The following XKR6 variants were observed in gnomAD, a reference collection of about 807,000 sequenced individuals.
The protein encoded by XKR6 is XK-related protein 6.
In XKR6, 22 loss-of-function variants were observed where a neutral mutation model predicts 56.7. That is an observed-to-expected ratio of 0.39 (90% CI 0.28 to 0.55). XKR6 has a LOEUF of 0.55. Ranked by LOEUF, XKR6 falls within the 20% of genes least tolerant of loss-of-function variation. XKR6 has a pLI of 0.66. For missense variants in XKR6, 852 were observed against 889.0 expected (o/e 0.96, Z 0.53); for synonymous variants, 524 against 387.8 (o/e 1.35, Z -4.13).
intron 1 of XKR6, among the ~76,000 whole-genome samples, chr8:10,964,617 CT>C (rs1802161567): frequency 6.6e-6 from 1 of 152,200 alleles, no homozygotes; most frequent in African/African-American, 2.4e-5. Flanking sequence ...AAGCTGCCCC[CT>C]GAGGTCCTCC....
At chr8:10,993,786 T>C (rs1318356687) in intron 1 of XKR6, among the ~76,000 whole-genome samples, 2 of 152,194 alleles carry the variant, frequency 1.3e-5, no homozygotes, top group African/African-American at 4.8e-5. Context: ...ATTTCTGTTG[T>C]GGCTTCAGTT....
intron 1 of XKR6, among the ~76,000 whole-genome samples, chr8:11,089,346 A>G (rs1483327917): frequency 6.6e-6 from 1 of 152,226 alleles, no homozygotes; most frequent in Non-Finnish European, 1.5e-5. Context: ...TTAAAAATGA[A>G]GTAGTCTGGG....
At chr8:11,019,053 T>C (rs1369558146) in intron 1 of XKR6, among the ~76,000 whole-genome samples, 4 of 152,186 alleles carry the variant, frequency 2.6e-5, no homozygotes, top group African/African-American at 9.7e-5. Context: ...ATTTCACTCC[T>C]TCTTCCTGGT....
chr8:10,899,220 C>A (rs1472020043), intron 2 of XKR6, among the ~76,000 whole-genome samples: 1 of 152,340 alleles, frequency 6.6e-6, no homozygotes, highest in African/African-American at 2.4e-5. Flanking sequence ...CCATGGGCAG[C>A]CCTTTGTGGG....
intron 1 of XKR6, among the ~76,000 whole-genome samples, chr8:11,146,931 C>G (rs976483092): frequency 2.0e-5 from 3 of 151,882 alleles, no homozygotes; most frequent in Non-Finnish European, 4.4e-5. Context: ...GTCAGACTCA[C>G]AGAAACAGAG....
intron 2 of XKR6, among the ~76,000 whole-genome samples, chr8:10,911,573 TAGAG>T (rs1179056346): frequency 3.5e-5 from 5 of 144,380 alleles, no homozygotes; most frequent in Non-Finnish European, 6.0e-5. Context: ...TATATATATA[TAGAG>T]AGAGAGAGGA....
intron 1 of XKR6, among the ~76,000 whole-genome samples, chr8:11,023,175 C>T (rs994542208): frequency 1.3e-5 from 2 of 152,208 alleles, no homozygotes; most frequent in Non-Finnish European, 2.9e-5. Context: ...CTGGGGAGGG[C>T]CCTCCCTCCA....
At chr8:10,960,408 G>C (rs1340315674) in intron 1 of XKR6, among the ~76,000 whole-genome samples, 1 of 152,214 alleles carries the variant, frequency 6.6e-6, no homozygotes. Context: ...CAGTCTCCTG[G>C]TCAAGATGCA....
At chr8:10,928,259 G>C (rs572957454) in intron 1 of XKR6, among the ~76,000 whole-genome samples, 1 of 152,274 alleles carries the variant, frequency 6.6e-6, no homozygotes, top group South Asian at 2.1e-4. Context: ...ACCACAACAC[G>C]TGCAAAGCCC....
intron 1 of XKR6, among the ~76,000 whole-genome samples, chr8:10,938,732 C>T (rs1308567627): frequency 6.6e-6 from 1 of 152,102 alleles, no homozygotes; most frequent in African/African-American, 2.4e-5. Context: ...GGAGAGTGTT[C>T]TGGGGTGGTG....
At chr8:11,182,961 C>T (rs1803074710) in intron 1 of XKR6, among the ~76,000 whole-genome samples, 1 of 152,212 alleles carries the variant, frequency 6.6e-6, no homozygotes. Context: ...AGTGGAATCA[C>T]ATAGTGTTTG....
chr8:11,164,434 T>TA (rs1801968673), intron 1 of XKR6, among the ~76,000 whole-genome samples: 1 of 152,166 alleles, frequency 6.6e-6, no homozygotes, highest in South Asian at 2.1e-4. Flanking sequence ...TACGTTATTC[T>TA]AAGTCTTCTC....
At chr8:11,125,732 C>G (rs1253774407) in intron 1 of XKR6, 1 of 152,260 alleles carries the variant, frequency 6.6e-6, no homozygotes, top group Admixed American at 6.5e-5. Context: ...AAATTCCTCT[C>G]CAGGTTAAAT....
rs549043601 is a variant in XKR6, at chr8:10,967,803, C to G, written c.765-42973G>C. On this transcript the variant is annotated intron_variant, in intron 1 of 2. Transcript: ENST00000416569. ...TTTTCCAGGAGGCTCCTGCTCCTGG[C>G]GGGTGGGGTGAGGCCTTAGGTGGTG... Among the ~76,000 whole-genome samples, 3 of 152,272 alleles carry G rather than the reference C, an allele frequency of 2.0e-5. No individual in the cohort carries two copies. The East Asian group carries it at 5.8e-4, about 29-fold the overall frequency.
At chr8:11,002,145 T>A (rs1157134592) in intron 1 of XKR6, among the ~76,000 whole-genome samples, 1 of 151,116 alleles carries the variant, frequency 6.6e-6, no homozygotes, top group Non-Finnish European at 1.5e-5. Context: ...CTCTGTGCAC[T>A]TTGTCAAAGG....
chr8:10,964,063 A>T (rs1401643507), intron 1 of XKR6, among the ~76,000 whole-genome samples: 2 of 152,196 alleles, frequency 1.3e-5, no homozygotes, highest in Non-Finnish European at 2.9e-5. Flanking sequence ...ACCAACACAG[A>T]GTACCTACCA....
At chr8:11,052,473 C>T (rs1369432097) in intron 1 of XKR6, among the ~76,000 whole-genome samples, 1 of 152,330 alleles carries the variant, frequency 6.6e-6, no homozygotes, top group Middle Eastern at 3.4e-3. Context: ...CGGACCGACA[C>T]TGGCTGGCAT....
At chr8:10,952,817 C>G (rs1255871233) in intron 1 of XKR6, among the ~76,000 whole-genome samples, 1 of 152,118 alleles carries the variant, frequency 6.6e-6, no homozygotes, top group East Asian at 1.9e-4. Flanking sequence ...TGGACAGGTA[C>G]TGGTCTGTGG....
At chr8:10,994,681 T>C (rs1326035217) in intron 1 of XKR6, among the ~76,000 whole-genome samples, 1 of 152,214 alleles carries the variant, frequency 6.6e-6, no homozygotes, top group Non-Finnish European at 1.5e-5. Context: ...ATCTGCTTCT[T>C]ACTCCATTTA....
Sources: gnomAD v4.1 joint callset for allele counts (sites outside exome capture counted in the v4.1 genomes callset) on GRCh38, gnomAD v4.1.1 for gene constraint, MANE v1.5 for transcripts, NCBI Gene and HGNC (gene_info 2026-07-23, HGNC 2026-07-21) for gene names.